The following WWOX variants were observed in gnomAD, a reference collection of about 807,000 sequenced individuals.
WWOX encodes the protein WW domain-containing oxidoreductase.
A neutral mutation model predicts 46.2 loss-of-function variants in WWOX; 69 were observed. That is an observed-to-expected ratio of 1.49 (90% CI 1.23 to 1.82). WWOX has a LOEUF of 1.82. Among genes scored for constraint, WWOX ranks in the 40% most tolerant of loss-of-function variants. The pLI is 0.00. For missense variants in WWOX, 919 were observed against 542.6 expected (o/e 1.69, Z -6.89); for synonymous variants, 359 against 202.6 (o/e 1.77, Z -6.56).
chr16:78,211,443 G>C (rs1333568232), intron 5 of WWOX, among the ~76,000 whole-genome samples: 2 of 152,136 alleles, frequency 1.3e-5, no homozygotes, highest in Non-Finnish European at 2.9e-5. Context: ...TTGCTGAGGT[G>C]ACCTTTGAGC....
At chr16:78,621,455 C>T (rs2046179387) in intron 8 of WWOX, among the ~76,000 whole-genome samples, 1 of 151,686 alleles carries the variant, frequency 6.6e-6, no homozygotes, top group Non-Finnish European at 1.5e-5. Context: ...TTATTCTTTT[C>T]TTCTTCCAGT....
intron 8 of WWOX, among the ~76,000 whole-genome samples, chr16:78,883,651 G>C (rs952138683): frequency 6.6e-6 from 1 of 151,826 alleles, no homozygotes; most frequent in South Asian, 2.1e-4. Context: ...TTGAATCCAG[G>C]AGATGGAGGT....
At chr16:78,849,839 G>A (rs771269011) in intron 8 of WWOX, among the ~76,000 whole-genome samples, 8 of 152,092 alleles carry the variant, frequency 5.3e-5, no homozygotes, top group South Asian at 2.1e-4. Context: ...TTGGGAGGCC[G>A]AGGTGGTCAG....
At chr16:78,544,160 C>T (rs1374646076) in intron 8 of WWOX, among the ~76,000 whole-genome samples, 1 of 152,042 alleles carries the variant, frequency 6.6e-6, no homozygotes, top group Non-Finnish European at 1.5e-5. Flanking sequence ...TCTTAATATT[C>T]AATGAATAAA....
At chr16:78,235,270 C>G (rs1016787585) in intron 5 of WWOX, among the ~76,000 whole-genome samples, 14 of 152,072 alleles carry the variant, frequency 9.2e-5, no homozygotes, top group African/African-American at 3.4e-4. Flanking sequence ...GGTTTGTGTT[C>G]TTTGATTTGT....
At chr16:78,435,478 C>A (rs536462549) in intron 8 of WWOX, among the ~76,000 whole-genome samples, 1 of 152,152 alleles carries the variant, frequency 6.6e-6, no homozygotes, top group African/African-American at 2.4e-5. Context: ...AGATTAACTG[C>A]GCACTGAGCT....
At chr16:78,604,521 T>C (rs1043371090) in intron 8 of WWOX, among the ~76,000 whole-genome samples, 1 of 152,288 alleles carries the variant, frequency 6.6e-6, no homozygotes, top group Non-Finnish European at 1.5e-5. Context: ...TTGTAAAAAT[T>C]AGAAAAATAC....
intron 4 of WWOX, among the ~76,000 whole-genome samples, chr16:78,151,921 T>C (rs2034422201): frequency 6.6e-6 from 1 of 152,194 alleles, no homozygotes; most frequent in Non-Finnish European, 1.5e-5. Flanking sequence ...CCAGGCGCGG[T>C]GGCTCACGCC....
chr16:78,937,765 C>T (rs1328801931), intron 8 of WWOX, among the ~76,000 whole-genome samples: 1 of 151,950 alleles, frequency 6.6e-6, no homozygotes, highest in African/African-American at 2.4e-5. Flanking sequence ...GCTGGGACTA[C>T]AGGCACATGC....
intron 4 of WWOX, among the ~76,000 whole-genome samples, chr16:78,121,853 G>T (rs1487941358): frequency 6.6e-6 from 1 of 151,944 alleles, no homozygotes; most frequent in Non-Finnish European, 1.5e-5. Context: ...TAGAGACAAG[G>T]TTTTGCCATG....
At chr16:78,887,063 ATGTGTGTGTGTGTGGTGTGTGTGTGTGTG>A (rs1480758923) in intron 8 of WWOX, among the ~76,000 whole-genome samples, 3 of 31,034 alleles carry the variant, frequency 9.7e-5, no homozygotes, top group Admixed American at 5.0e-4. Context: ...GTCTGGCTAT[ATGTGTGTGTGTGTGGTGTGTGTGTGTGTG>A]TGTGTGTGTG....
chr16:78,477,711 A>G (rs1567596071), intron 8 of WWOX, among the ~76,000 whole-genome samples: 1 of 152,322 alleles, frequency 6.6e-6, no homozygotes, highest in South Asian at 2.1e-4. Flanking sequence ...AAGATAATAT[A>G]TACTTGATGT....
intron 8 of WWOX, among the ~76,000 whole-genome samples, chr16:78,910,343 G>C (rs2045076596): frequency 6.6e-6 from 1 of 151,850 alleles, no homozygotes; most frequent in Admixed American, 6.6e-5. Context: ...GACTAACAAG[G>C]GCCCTGACAG....
At chr16:78,387,086 G>T in intron 6 of WWOX, 138 bp downstream of exon 6, 4 of 821,700 alleles carry the variant, frequency 4.9e-6, no homozygotes, top group South Asian at 2.9e-5. Flanking sequence ...TATTGGCCCT[G>T]TTAAGGTGAA....
intron 5 of WWOX, among the ~76,000 whole-genome samples, chr16:78,303,693 C>G (rs761978778): frequency 6.6e-6 from 1 of 152,116 alleles, no homozygotes; most frequent in Non-Finnish European, 1.5e-5. Context: ...TACAGGCATG[C>G]GCCACCATGC....
intron 8 of WWOX, among the ~76,000 whole-genome samples, chr16:78,594,930 G>GC (rs557014054): frequency 5.8e-4 from 89 of 152,260 alleles, no homozygotes; most frequent in Non-Finnish European, 1.1e-3. Flanking sequence ...AACCAGAAGG[G>GC]CCTGTCTCTC....
chr16:78,775,532 G>C (rs2050167904), intron 8 of WWOX, among the ~76,000 whole-genome samples: 1 of 152,174 alleles, frequency 6.6e-6, no homozygotes, highest in Non-Finnish European at 1.5e-5. Flanking sequence ...TATCAAGGGA[G>C]AGTATGGGCT....
At chr16:78,314,189 G>A (rs992872091) in intron 5 of WWOX, among the ~76,000 whole-genome samples, 1 of 151,936 alleles carries the variant, frequency 6.6e-6, no homozygotes, top group South Asian at 2.1e-4. Flanking sequence ...GGCAGATCAC[G>A]AGGTCAGGAG....
intron 8 of WWOX, among the ~76,000 whole-genome samples, chr16:78,935,080 T>C (rs906637851): frequency 5.9e-5 from 9 of 152,194 alleles, no homozygotes; most frequent in African/African-American, 1.9e-4. Context: ...GTTAGAATGG[T>C]GATCATTAAA....
Sources: allele counts gnomAD v4.1 joint callset (sites outside exome capture counted in the v4.1 genomes callset), GRCh38; gene constraint gnomAD v4.1.1; transcripts MANE v1.5; gene names NCBI Gene and HGNC (gene_info 2026-07-23, HGNC 2026-07-21).